The following LSAMP variants were observed in gnomAD, a reference collection of about 807,000 sequenced individuals.
LSAMP encodes the protein limbic system associated membrane protein, also known as limbic system-associated membrane protein.
Under a neutral mutation model 38.6 loss-of-function variants are expected in LSAMP, and 7 were observed. The observed-to-expected ratio is 0.18, with a 90% CI of 0.10 to 0.34. The LOEUF is 0.34. LSAMP is among the 10% of genes least tolerant of loss of function. The pLI, the probability that LSAMP is intolerant of heterozygous loss-of-function variation, is 1.00. For missense variants in LSAMP, 313 were observed against 420.0 expected (o/e 0.75, Z 2.23); for synonymous variants, 154 against 166.8 (o/e 0.92, Z 0.59).
Position 116,086,465 on chromosome 3 carries a change from G to T in LSAMP, c.247C>A (p.Arg83=), listed in dbSNP as rs762856060. The change falls in exon 2 of 7, where the codon CGG becomes AGG. Residue 83 remains arginine, a synonymous_variant. Coordinates refer to ENST00000490035, the MANE Select transcript of LSAMP (RefSeq NM_002338.5). ...GAATGGCGTTTCTCCAGCTCAACCC[G>T]TGGGTCCAGAGACCACTTGTCATGT... ...AGHDKWSLDP[R]VELEKRHSLE... is the part of the protein sequence containing the mutation. 6.2e-7 allele frequency: 1 copy of T among 1,614,088 alleles called. No homozygotes were observed. The highest frequency in any genetic ancestry group is 1.1e-5 in the South Asian group (1 of 91,074).
intron 1 of LSAMP, among the ~76,000 whole-genome samples, chr3:116,386,347 C>A (rs1198770684): frequency 1.3e-5 from 2 of 152,116 alleles, no homozygotes; most frequent in East Asian, 1.9e-4. Flanking sequence ...TCTCCTACCT[C>A]CAAAATTCAA....
chr3:115,991,916 G>C (rs1293547494), intron 3 of LSAMP, among the ~76,000 whole-genome samples: 1 of 152,032 alleles, frequency 6.6e-6, no homozygotes, highest in Admixed American at 6.6e-5. Context: ...GGGTAAAGGA[G>C]AAAGGAAATG....
intron 3 of LSAMP, among the ~76,000 whole-genome samples, chr3:115,976,169 G>A (rs1390698564): frequency 6.6e-6 from 1 of 152,046 alleles, no homozygotes; most frequent in Non-Finnish European, 1.5e-5. Context: ...AGAGAATTTG[G>A]ATCATGTCAA....
intron 1 of LSAMP, among the ~76,000 whole-genome samples, chr3:116,442,349 A>G (rs1047086041): frequency 1.5e-4 from 22 of 151,610 alleles, no homozygotes; most frequent in African/African-American, 5.3e-4. Flanking sequence ...TCTCCTAGCC[A>G]TTTCACTTTC....
At chr3:115,925,868 G>A (rs1937486659) in intron 3 of LSAMP, among the ~76,000 whole-genome samples, 1 of 152,148 alleles carries the variant, frequency 6.6e-6, no homozygotes. Context: ...TGAATAAATG[G>A]AATGGGTTTA....
intron 1 of LSAMP, among the ~76,000 whole-genome samples, chr3:116,148,914 CAAT>C (rs1393572375): frequency 6.6e-6 from 1 of 151,938 alleles, no homozygotes; most frequent in Non-Finnish European, 1.5e-5. Context: ...TCACAGAAGT[CAAT>C]AGAGAAAATG....
chr3:115,917,248 C>T (rs530578807), intron 3 of LSAMP, among the ~76,000 whole-genome samples: 23 of 152,322 alleles, frequency 1.5e-4, no homozygotes, highest in African/African-American at 4.6e-4. Context: ...GGCAATCCCT[C>T]GACACTTGCT....
intron 3 of LSAMP, among the ~76,000 whole-genome samples, chr3:115,898,846 C>T (rs1466170601): frequency 5.3e-5 from 8 of 151,826 alleles, no homozygotes; most frequent in African/African-American, 1.5e-4. Flanking sequence ...AAAGGAAGTT[C>T]GAGAAAAGGA....
At chr3:116,203,933 G>C (rs147853771) in intron 1 of LSAMP, among the ~76,000 whole-genome samples, 380 of 152,200 alleles carry the variant, frequency 2.5e-3, no homozygotes, top group Admixed American at 4.9e-3. Flanking sequence ...GGATGGCTGG[G>C]TCAAATGGTA....
At chr3:116,273,605 C>T (rs1024877056) in intron 1 of LSAMP, among the ~76,000 whole-genome samples, 5 of 146,398 alleles carry the variant, frequency 3.4e-5, no homozygotes, top group South Asian at 2.2e-4. Flanking sequence ...TTTGAATTCA[C>T]GTAACCCACG....
At chr3:116,125,225 A>G (rs1268113814) in intron 1 of LSAMP, among the ~76,000 whole-genome samples, 1 of 152,202 alleles carries the variant, frequency 6.6e-6, no homozygotes, top group African/African-American at 2.4e-5. Flanking sequence ...AAGTTTTAAC[A>G]AGAACAAAAT....
In LSAMP at chr3:116,249,671, A is replaced by G. The variant is rs922051452; in HGVS notation, c.156-163115T>C. 2.0e-5 allele frequency among the ~76,000 whole-genome samples: 3 copies of G among 152,032 alleles called. No individual in the cohort carries two copies. In the East Asian group the frequency reaches 5.8e-4, roughly 29 times the overall value. On this transcript the variant is annotated intron_variant, in intron 1 of 6. Coordinates refer to ENST00000490035, the MANE Select transcript of LSAMP (RefSeq NM_002338.5). ...AGTGCTGGGATTACAGGTGTGAGCC[A>G]CCACACCCAGCCAGAAGACTCTTTA...
In LSAMP at chr3:116,086,484, G is replaced by A; in HGVS notation, c.228C>T (p.Asp76=). Residue 76 remains aspartate (D), a synonymous_variant, in exon 2 of 7, where the codon GAC becomes GAT. Transcript: ENST00000490035. ...NRSGIIFAGH[D]KWSLDPRVEL... ...CAACCCGTGGGTCCAGAGACCACTT[G>A]TCATGTCCAGCAAAAATGATGCCAG... is the stretch of plus-strand genomic sequence containing the variant. 1 of 1,614,108 alleles carries A rather than the reference G, an allele frequency of 6.2e-7. No individual in the cohort carries two copies. Among genetic ancestry groups the A allele is most frequent in the Non-Finnish European group, 8.5e-7 (1 of 1,180,022 alleles).
chr3:116,444,800 ACACACACACAAAC>A, intron 1 of LSAMP, 64 bp downstream of exon 1: 1 of 1,513,380 alleles, frequency 6.6e-7, no homozygotes, highest in Non-Finnish European at 8.9e-7. Flanking sequence ...ACACACACAC[ACACACACACAAAC>A]ACACACACAC....
chr3:115,968,414 A>G (rs1015500444), intron 3 of LSAMP, among the ~76,000 whole-genome samples: 2 of 152,058 alleles, frequency 1.3e-5, no homozygotes, highest in Non-Finnish European at 2.9e-5. Context: ...AAAGTGATAA[A>G]TCCTGCTAGG....
intron 1 of LSAMP, among the ~76,000 whole-genome samples, chr3:116,094,737 C>T (rs143506826): frequency 6.6e-6 from 1 of 152,122 alleles, no homozygotes; most frequent in East Asian, 1.9e-4. Context: ...AAAAAACAAA[C>T]AGTTTAGATC....
chr3:116,095,316 A>G (rs1280611519), intron 1 of LSAMP, among the ~76,000 whole-genome samples: 2 of 152,238 alleles, frequency 1.3e-5, no homozygotes, highest in East Asian at 3.8e-4. Context: ...AGCAATGAAA[A>G]GGCCTCCATA....
intron 1 of LSAMP, among the ~76,000 whole-genome samples, chr3:116,268,645 G>C (rs901984637): frequency 3.3e-5 from 5 of 151,814 alleles, no homozygotes; most frequent in Admixed American, 2.6e-4. Context: ...AATAATTTCT[G>C]TGTGTTTTAA....
At chr3:116,114,588 C>G (rs1297686766) in intron 1 of LSAMP, among the ~76,000 whole-genome samples, 1 of 151,890 alleles carries the variant, frequency 6.6e-6, no homozygotes, top group Non-Finnish European at 1.5e-5. Context: ...TGTAATAAAA[C>G]CAGACACTTA....
Sources: gnomAD v4.1 joint callset for allele counts (sites outside exome capture counted in the v4.1 genomes callset) on GRCh38, gnomAD v4.1.1 for gene constraint, MANE v1.5 for transcripts, NCBI Gene and HGNC (gene_info 2026-07-23, HGNC 2026-07-21) for gene names.